Variants in CALN1 observed in about 807,000 individuals in gnomAD.
The protein encoded by CALN1 is calcium-binding protein 8.
A neutral mutation model predicts 30.6 loss-of-function variants in CALN1; 17 were observed. That is an observed-to-expected ratio of 0.56 (90% CI 0.38 to 0.83). The LOEUF (loss-of-function observed/expected upper bound fraction) is 0.83, where lower values mean the gene tolerates loss of function less well. CALN1 is among the 40% of genes least tolerant of loss of function. CALN1 has a pLI of 0.00. For synonymous variants in CALN1, 156 were observed against 131.4 expected (o/e 1.19, Z -1.28); for missense variants, 291 against 354.9 (o/e 0.82, Z 1.45).
chr7:72,106,814 A>G (rs1179243793), intron 3 of CALN1, among the ~76,000 whole-genome samples: 4 of 60,568 alleles, frequency 6.6e-5, no homozygotes, highest in East Asian at 5.1e-4. Context: ...GGGAGGAAGG[A>G]AGGGAGGGAG....
Position 71,994,695 on chromosome 7 carries a change from C to A in CALN1, c.501+28962G>T, listed in dbSNP as rs1049080363. Reference sequence around the variant, plus strand: ...GAGAGCCCTCTGTACAGAGAGGGGTCCTGGAGAAAGATGAGTTGCCAGTTC... The same window carrying A: ...GAGAGCCCTCTGTACAGAGAGGGGTACTGGAGAAAGATGAGTTGCCAGTTC... On this transcript the variant is annotated intron_variant, in intron 5 of 6. Transcript: ENST00000395275. Among the ~76,000 whole-genome samples the A allele has an allele frequency of 1.7e-4, 26 of 151,846 alleles. 1 individual carries two copies. The highest frequency in any genetic ancestry group is 5.9e-5 in the Non-Finnish European group (4 of 67,970).
At chr7:72,458,212 TATAATATATTATATA>T in the CALN1 span, among the ~76,000 whole-genome samples, 106 of 109,334 alleles carry the variant, frequency 9.7e-4, no homozygotes, top group African/African-American at 1.2e-3. Flanking sequence ...TAATATATTT[TATAATATATTATATA>T]ATATATTCTA....
chr7:72,257,263 T>C (rs1226639100), intron 3 of CALN1, among the ~76,000 whole-genome samples: 1 of 152,140 alleles, frequency 6.6e-6, no homozygotes, highest in African/African-American at 2.4e-5. Flanking sequence ...ACTAGACACG[T>C]GCATATTGCA....
At chr7:71,885,923 A>C (rs1285453059) in intron 5 of CALN1, among the ~76,000 whole-genome samples, 2 of 152,192 alleles carry the variant, frequency 1.3e-5, no homozygotes, top group Non-Finnish European at 2.9e-5. Context: ...TAACAAATTC[A>C]TTTCCGTAGT....
At chr7:71,931,683 C>T (rs960247658) in intron 5 of CALN1, among the ~76,000 whole-genome samples, 3 of 152,206 alleles carry the variant, frequency 2.0e-5, no homozygotes, top group Non-Finnish European at 4.4e-5. Context: ...CTTTCAAAGC[C>T]GTTGCTACTG....
chr7:72,449,874 C>G (rs1419377805), upstream of CALN1, among the ~76,000 whole-genome samples: 2 of 52,318 alleles, frequency 3.8e-5, no homozygotes, highest in Admixed American at 7.4e-4. Flanking sequence ...GACTCCGTCT[C>G]AAAAAAAAAA....
Position 72,106,207 on chromosome 7 carries a change from C to T in CALN1, c.332G>A (p.Gly111Glu). ...QELGMAMRSL[G>E]YMPSEVELAI... ...CAGCTCCACCTCGCTTGGCATGTAC[C>T]CCAAAGAGCGCATGGCCATGCCCAG... The change falls in exon 4 of 7, where the codon GGG (glycine) becomes GAG (glutamate). Residue 111 changes from glycine (G) to glutamate (E), a missense_variant. Transcript: ENST00000395275. 1 of 1,614,034 alleles carries T rather than the reference C, an allele frequency of 6.2e-7. No individual in the cohort carries two copies. The highest frequency in any genetic ancestry group is 8.5e-7 in the Non-Finnish European group (1 of 1,180,016).
intron 6 of CALN1, among the ~76,000 whole-genome samples, chr7:71,802,324 A>G (rs994761333): frequency 3.3e-5 from 5 of 152,218 alleles, no homozygotes; most frequent in Admixed American, 3.3e-4. Flanking sequence ...GATCTCTAAA[A>G]CCAAGAATGT....
At chr7:72,407,197 CTG>C (rs1374500201) in intron 1 of CALN1, among the ~76,000 whole-genome samples, 4 of 152,224 alleles carry the variant, frequency 2.6e-5, no homozygotes, top group Admixed American at 2.0e-4. Flanking sequence ...CACTTAGGGG[CTG>C]TGTGACCTTG....
intron 3 of CALN1, among the ~76,000 whole-genome samples, chr7:72,229,933 G>A (rs1386715900): frequency 6.6e-6 from 1 of 151,908 alleles, no homozygotes; most frequent in Non-Finnish European, 1.5e-5. Context: ...ATGAGGTCAG[G>A]AGATCGAGAC....
intron 3 of CALN1, among the ~76,000 whole-genome samples, chr7:72,267,259 A>T (rs1796657848): frequency 6.6e-6 from 1 of 152,196 alleles, no homozygotes; most frequent in South Asian, 2.1e-4. Context: ...GACCTTCATT[A>T]CAAGAAAACG....
intron 3 of CALN1, among the ~76,000 whole-genome samples, chr7:72,267,227 GA>G (rs910142958): frequency 4.6e-5 from 7 of 152,156 alleles, no homozygotes; most frequent in Middle Eastern, 3.2e-3. Flanking sequence ...GCAAAAACGG[GA>G]TAAAACAGTA....
chr7:71,927,013 G>C (rs1053226508), intron 5 of CALN1, among the ~76,000 whole-genome samples: 1 of 152,116 alleles, frequency 6.6e-6, no homozygotes, highest in Non-Finnish European at 1.5e-5. Context: ...TCTTGACAGT[G>C]AGTTGTTCTG....
chr7:72,057,562 C>T (rs1803347647), intron 4 of CALN1, among the ~76,000 whole-genome samples: 1 of 151,556 alleles, frequency 6.6e-6, no homozygotes, highest in Non-Finnish European at 1.5e-5. Context: ...CAACCCATCG[C>T]CCAGAAGTAA....
chr7:72,138,873 T>TACCTCTGG (rs1355675099), intron 3 of CALN1, among the ~76,000 whole-genome samples: 1 of 150,130 alleles, frequency 6.7e-6, no homozygotes, highest in Non-Finnish European at 1.5e-5. Context: ...GAACACATTT[T>TACCTCTGG]ACCTCTGGAG....
chr7:72,280,611 C>T (rs183701170), intron 2 of CALN1, among the ~76,000 whole-genome samples: 245 of 152,322 alleles, frequency 1.6e-3, no homozygotes, highest in Admixed American at 2.9e-3. Context: ...ACTACTCTAT[C>T]TTTTCCTTAA....
intron 5 of CALN1, among the ~76,000 whole-genome samples, chr7:71,988,093 T>TTCA (rs971189407): frequency 1.8e-4 from 27 of 152,008 alleles, no homozygotes; most frequent in East Asian, 3.9e-4. Context: ...GATGGCCATC[T>TTCA]TCATCATCAT....
chr7:71,902,207 A>C (rs1447930325), intron 5 of CALN1, among the ~76,000 whole-genome samples: 6 of 151,766 alleles, frequency 4.0e-5, no homozygotes, highest in Non-Finnish European at 1.5e-5. Flanking sequence ...CTGGGTGACA[A>C]TGCGAGACTC....
intron 3 of CALN1, among the ~76,000 whole-genome samples, chr7:72,219,712 AC>A (rs1204578969): frequency 6.6e-6 from 1 of 151,918 alleles, no homozygotes; most frequent in Admixed American, 6.6e-5. Context: ...ACACACACGC[AC>A]GTGCACACAT....
Sources: gnomAD v4.1 joint callset for allele counts (sites outside exome capture counted in the v4.1 genomes callset) on GRCh38, gnomAD v4.1.1 for gene constraint, MANE v1.5 for transcripts, NCBI Gene and HGNC (gene_info 2026-07-23, HGNC 2026-07-21) for gene names.